MYO1H: variants seen among roughly 807,000 people sequenced by gnomAD.
MYO1H encodes myosin IH.
In MYO1H, 118 loss-of-function variants were observed where a neutral mutation model predicts 149.3. That is an observed-to-expected ratio of 0.79 (90% CI 0.68 to 0.92). The LOEUF is 0.92. MYO1H is among the 40% of genes least tolerant of loss of function. The pLI is 0.00. For missense variants in MYO1H, 1,212 were observed against 1,280.7 expected (o/e 0.95, Z 0.82); for synonymous variants, 447 against 465.2 (o/e 0.96, Z 0.50).
chr12:109,404,306 T>C (rs1482401633), intron 7 of MYO1H, among the ~76,000 whole-genome samples: 1 of 152,068 alleles, frequency 6.6e-6, no homozygotes, highest in Non-Finnish European at 1.5e-5. Context: ...GGTGAAACCC[T>C]GTCTGTACTA....
At chr12:109,360,256 A>G (rs1041117603) in intron 1 of MYO1H, among the ~76,000 whole-genome samples, 1 of 151,938 alleles carries the variant, frequency 6.6e-6, no homozygotes, top group Non-Finnish European at 1.5e-5. Context: ...GTGGCTATTC[A>G]TTGTCTCTCT....
intron 6 of MYO1H, 91 bp downstream of exon 6, chr12:109,401,363 C>A: frequency 7.7e-7 from 1 of 1,303,528 alleles, no homozygotes; most frequent in Non-Finnish European, 1.0e-6. Flanking sequence ...TTGAGACATT[C>A]TATTACCATC....
chr12:109,379,966 C>T (rs1004400393), intron 1 of MYO1H, among the ~76,000 whole-genome samples: 6 of 152,016 alleles, frequency 3.9e-5, no homozygotes, highest in Admixed American at 6.6e-5. Flanking sequence ...GTCTTAACCT[C>T]GTGATCCGCC....
In MYO1H at chr12:109,397,919, TA is replaced by T. The variant is rs111389226; in HGVS notation, c.570+108del. On this transcript the variant is annotated intron_variant, in intron 5 of 31. Coordinates refer to ENST00000310903, the Ensembl canonical transcript of MYO1H. The stretch of plus-strand genomic sequence containing the variant: ...GAGAACGGCATTTTTTGGCTCAAGC[TA>T]TTTAAAAAAATATCCAGGGTTAGTG... 8,195 of 719,358 alleles carry T rather than the reference TA, an allele frequency of 0.011. 454 individuals are homozygous for T. The African/African-American group carries it at 0.13, about 11-fold the overall frequency. 44.6% of individuals were successfully genotyped at this position (719,358 alleles called of 1,614,324 possible).
At chr12:109,439,042 G>A (rs1445315027) in intron 23 of MYO1H, among the ~76,000 whole-genome samples, 5 of 148,448 alleles carry the variant, frequency 3.4e-5, no homozygotes, top group Non-Finnish European at 5.9e-5. Context: ...TTCAAGGAAC[G>A]CTGAAATCTG....
chr12:109,354,630 A>AAAAAAG (rs796354256), intron 1 of MYO1H, among the ~76,000 whole-genome samples: 19 of 134,012 alleles, frequency 1.4e-4, no homozygotes, highest in South Asian at 1.1e-3. Flanking sequence ...AAAAAAAAAA[A>AAAAAAG]AAAAGAAAAG....
At chr12:109,323,603 T>C in the MYO1H span, among the ~76,000 whole-genome samples, 1 of 152,220 alleles carries the variant, frequency 6.6e-6, no homozygotes, top group African/African-American at 2.4e-5. Context: ...TTTTCATTTC[T>C]AAGTGCTCCC....
At chr12:109,423,513 A>G (rs904009815) in intron 16 of MYO1H, among the ~76,000 whole-genome samples, 2 of 152,212 alleles carry the variant, frequency 1.3e-5, no homozygotes, top group African/African-American at 2.4e-5. Flanking sequence ...GTAGATTTAC[A>G]TGGTTGCGCA....
At chr12:109,419,400 C>T (rs1287927419) in intron 15 of MYO1H, among the ~76,000 whole-genome samples, 1 of 152,056 alleles carries the variant, frequency 6.6e-6, no homozygotes, top group Non-Finnish European at 1.5e-5. Context: ...ATTGTGTCAT[C>T]CTCATATTTG....
At chr12:109,318,961 TTTTTGG>T in the MYO1H span, among the ~76,000 whole-genome samples, 4 of 103,418 alleles carry the variant, frequency 3.9e-5, no homozygotes, top group East Asian at 2.4e-4. Flanking sequence ...ACTCTCTGCG[TTTTTGG>T]TTTTGTTTTT....
intron 1 of MYO1H, among the ~76,000 whole-genome samples, chr12:109,370,205 G>A (rs536422675): frequency 9.9e-5 from 15 of 152,200 alleles, no homozygotes; most frequent in Non-Finnish European, 2.1e-4. Context: ...TCTTGCCAAT[G>A]TAGGTCTATT....
chr12:109,412,957 T>TTGTTGC (rs1766034321), intron 14 of MYO1H, among the ~76,000 whole-genome samples: 1 of 147,014 alleles, frequency 6.8e-6, no homozygotes, highest in Admixed American at 6.8e-5. Context: ...GGCTAATTTG[T>TTGTTGC]TGTTGTTGTT....
rs1872266694 is a variant in MYO1H at position 109,443,120 on chromosome 12, G to GTGTACGTATATGTGTGTATA, written c.2689-383_2689-382insGTGTGTATATGTACGTATAT. On this transcript the variant is annotated intron_variant, in intron 27 of 31. Coordinates refer to ENST00000310903, the Ensembl canonical transcript of MYO1H. ...TATGTGTACGTATATGTGTGTATAT[G>GTGTACGTATATGTGTGTATA]TGTACGTATATATGTGTGTATATGT... is the stretch of plus-strand genomic sequence containing the variant. Among the ~76,000 whole-genome samples the GTGTACGTATATGTGTGTATA allele has an allele frequency of 2.3e-5, 2 of 88,270 alleles. 1 individual carries two copies. The highest frequency in any genetic ancestry group is 6.4e-4 in the East Asian group (2 of 3,124). The allele number at this position is 88,270 out of a possible 152,430, so 57.9% of individuals were successfully genotyped here.
chr12:109,387,906 G>A (rs982008954), intron 1 of MYO1H, among the ~76,000 whole-genome samples: 1 of 152,228 alleles, frequency 6.6e-6, no homozygotes, highest in East Asian at 1.9e-4. Context: ...CAGCAGCGCG[G>A]GTGCTCAGGA....
intron 31 of MYO1H, 26 bp from the exon 32 acceptor site, chr12:109,447,133 T>A (rs1177873283): frequency 6.3e-7 from 1 of 1,591,088 alleles, no homozygotes; most frequent in Non-Finnish European, 8.6e-7. Context: ...GGAAGGGCTG[T>A]AAACCGAAGT....
the MYO1H span, among the ~76,000 whole-genome samples, chr12:109,321,702 A>T: frequency 6.6e-6 from 1 of 152,240 alleles, no homozygotes; most frequent in African/African-American, 2.4e-5. Flanking sequence ...CTCATCAAAA[A>T]ATCAGATTAA....
chr12:109,400,685 C>T (rs1278085955), intron 5 of MYO1H, among the ~76,000 whole-genome samples: 5 of 152,124 alleles, frequency 3.3e-5, no homozygotes, highest in Non-Finnish European at 7.3e-5. Context: ...TTCACATGTA[C>T]AGTCAGCTGA....
intron 15 of MYO1H, among the ~76,000 whole-genome samples, chr12:109,415,893 C>CT (rs1444117518): frequency 6.6e-6 from 1 of 151,656 alleles, no homozygotes; most frequent in Non-Finnish European, 1.5e-5. Context: ...GTTGTGAAAA[C>CT]ATTACCACCA....
At chr12:109,407,708 T>C in intron 9 of MYO1H, 86 bp from the exon 10 acceptor site, 1 of 1,420,674 alleles carries the variant, frequency 7.0e-7, no homozygotes. Flanking sequence ...ATTATTTTAT[T>C]TTTTTTTTAA....
Sources: gnomAD v4.1 joint callset for allele counts (sites outside exome capture counted in the v4.1 genomes callset) on GRCh38, gnomAD v4.1.1 for gene constraint, MANE v1.5 for transcripts, NCBI Gene and HGNC (gene_info 2026-07-23, HGNC 2026-07-21) for gene names.